Variants in IMPA2 observed in about 807,000 individuals in gnomAD.
The protein encoded by IMPA2 is inositol monophosphatase 2.
A neutral mutation model predicts 35.1 loss-of-function variants in IMPA2; 32 were observed. The observed-to-expected ratio is 0.91, with a 90% CI of 0.69 to 1.23. The LOEUF is 1.23. Ranked by LOEUF, IMPA2 falls within the 50% of genes most tolerant of loss-of-function variation. IMPA2 has a pLI of 0.00. For missense variants in IMPA2, 334 were observed against 387.6 expected, an observed-to-expected ratio of 0.86 and a Z score of 1.16; for synonymous variants, 135 against 160.6, an observed-to-expected ratio of 0.84 and a Z score of 1.20.
rs199739712 is a variant in IMPA2 at position 12,007,714 on chromosome 18, CCTT to C, written c.231-2165_231-2163del. Among the ~76,000 whole-genome samples, 895 of 137,014 alleles carry C rather than the reference CCTT, an allele frequency of 6.5e-3. 13 individuals carry two copies. Among genetic ancestry groups the C allele is most frequent in the African/African-American group, 0.023 (856 of 37,518 alleles). The allele number at this position is 137,014 out of a possible 152,430, so 89.9% of individuals were successfully genotyped here. ...CTTTCTTTCCTTTCTTCCCTCCTTCCCTTCTTTATTTCTCTCTCTCTCCTTCCT... is the reference window on the plus strand; with the variant it reads ...CTTTCTTTCCTTTCTTCCCTCCTTCCCTTTATTTCTCTCTCTCTCCTTCCT... On this transcript the variant is annotated intron_variant, in intron 2 of 7. Transcript: ENST00000269159.
At chr18:11,996,999 AAC>A (rs544635466) in intron 1 of IMPA2, among the ~76,000 whole-genome samples, 20 of 149,854 alleles carry the variant, frequency 1.3e-4, no homozygotes, top group African/African-American at 2.9e-4. Flanking sequence ...ACACCACAGC[AAC>A]ACACACACAC....
chr18:11,993,288 T>G (rs565479324), intron 1 of IMPA2, among the ~76,000 whole-genome samples: 1 of 152,362 alleles, frequency 6.6e-6, no homozygotes, highest in African/African-American at 2.4e-5. Context: ...ACTGATGTTA[T>G]GAAACTGCTG....
At chr18:11,988,518 T>G (rs56364728) in intron 1 of IMPA2, among the ~76,000 whole-genome samples, 26,128 of 152,074 alleles carry the variant, frequency 0.17, 3,418 homozygotes, top group African/African-American at 0.35. Flanking sequence ...ATGAGGTCCT[T>G]TGTGGGACAC....
At position 11,991,445 on chromosome 18, in the gene IMPA2, G is replaced by T. The variant is rs1454699728; in HGVS notation, c.97-7609G>T. Among the ~76,000 whole-genome samples the T allele has an allele frequency of 6.6e-6, 1 of 152,176 alleles. No homozygotes were observed. The highest frequency in any genetic ancestry group is 1.5e-5 in the Non-Finnish European group (1 of 68,038). Reference sequence around the variant, plus strand: ...AGAGATTTGTGACGCATCAACAGCTGTGAACTGCTGACCACATGTGCCACA... The same window carrying T: ...AGAGATTTGTGACGCATCAACAGCTTTGAACTGCTGACCACATGTGCCACA... On this transcript the variant is annotated intron_variant, in intron 1 of 7. Coordinates refer to ENST00000269159, the MANE Select transcript of IMPA2 (RefSeq NM_014214.3). The surrounding 1 kb of genome is among the most constrained non-coding windows in gnomAD (Gnocchi z 4.1).
chr18:12,007,339 A>G (rs1004254697), intron 2 of IMPA2, among the ~76,000 whole-genome samples: 3 of 152,050 alleles, frequency 2.0e-5, no homozygotes, highest in Non-Finnish European at 4.4e-5. Flanking sequence ...ATTTAATTCA[A>G]ATGTAAGCAG....
At chr18:11,986,202 C>A (rs1478578039) in intron 1 of IMPA2, among the ~76,000 whole-genome samples, 1 of 152,216 alleles carries the variant, frequency 6.6e-6, no homozygotes, top group Non-Finnish European at 1.5e-5. Context: ...TTCCCGAGGC[C>A]CGGCCTTGCG....
rs199640192 is a variant in IMPA2 at position 12,030,327 on chromosome 18, C to T, written c.752-16C>T. 1 of 1,607,692 alleles carries T rather than the reference C, an allele frequency of 6.2e-7. No homozygotes were observed. The highest frequency in any genetic ancestry group is 8.5e-7 in the Non-Finnish European group (1 of 1,174,214). ...TCTGGTAACCCGGATGCCTGGCTCT[C>T]TCTGTCTGTCCCCAGGTGGACCCCT... On this transcript the variant is annotated splice_polypyrimidine_tract_variant and intron_variant, in intron 7 of 7. Coordinates refer to ENST00000269159, the MANE Select transcript of IMPA2 (RefSeq NM_014214.3).
chr18:12,004,616 C>T (rs1218984567), intron 2 of IMPA2, among the ~76,000 whole-genome samples: 6 of 151,686 alleles, frequency 4.0e-5, no homozygotes, highest in East Asian at 1.9e-4. Flanking sequence ...CTGCAACCTC[C>T]GCCTCCCGGG....
At position 12,027,590 on chromosome 18, in the gene IMPA2, T is replaced by TA. The variant is rs1555647333; in HGVS notation, c.491-450dup. 4.2e-3 allele frequency among the ~76,000 whole-genome samples: 543 copies of TA among 129,078 alleles called. 21 individuals carry two copies. The highest frequency in any genetic ancestry group is 0.021 in the East Asian group (72 of 3,438). The allele number at this position is 129,078 out of a possible 152,430, so 84.7% of individuals were successfully genotyped here. On this transcript the variant is annotated intron_variant, in intron 5 of 7. Coordinates refer to ENST00000269159, the MANE Select transcript of IMPA2 (RefSeq NM_014214.3). ...TGATTTTTTTTTTTTTTTTTTTTTT[T>TA]AAAGAAACAGGGACTTGCTCTGTCC...
rs1907957110 is a variant in IMPA2, at chr18:12,028,828, T to A, written c.600-14T>A. 1.2e-6 allele frequency: 2 copies of A among 1,612,986 alleles called. No individual in the cohort carries two copies. Among genetic ancestry groups the A allele is most frequent in the South Asian group, 2.2e-5 (2 of 90,988 alleles). On this transcript the variant is annotated splice_polypyrimidine_tract_variant and intron_variant, in intron 6 of 7. Coordinates refer to ENST00000269159, the MANE Select transcript of IMPA2 (RefSeq NM_014214.3). ...CACTCCCGCCTGCATCTGTCCTCCCTTCCCTCTCCCCAGGGTCCGAGTGAT... is the reference window on the plus strand; with the variant it reads ...CACTCCCGCCTGCATCTGTCCTCCCATCCCTCTCCCCAGGGTCCGAGTGAT...
At chr18:12,007,791 TTTTGAGA>T (rs1251997905) in intron 2 of IMPA2, among the ~76,000 whole-genome samples, 1 of 151,186 alleles carries the variant, frequency 6.6e-6, no homozygotes, top group African/African-American at 2.4e-5. Context: ...CTTTTCTTTT[TTTTGAGA>T]TGGAATCTCA....
At chr18:12,009,232 T>C (rs1598696623) in intron 2 of IMPA2, among the ~76,000 whole-genome samples, 1 of 152,014 alleles carries the variant, frequency 6.6e-6, no homozygotes, top group South Asian at 2.1e-4. Flanking sequence ...GCTATGATGA[T>C]ACCACTGCAC....
intron 1 of IMPA2, among the ~76,000 whole-genome samples, chr18:11,986,138 G>A (rs1021667259): frequency 3.3e-5 from 5 of 152,126 alleles, no homozygotes; most frequent in African/African-American, 1.2e-4. Flanking sequence ...CTGACCTCAG[G>A]ACCGCAGACT....
At chr18:12,000,466 C>G (rs950176894) in intron 2 of IMPA2, among the ~76,000 whole-genome samples, 3 of 151,414 alleles carry the variant, frequency 2.0e-5, no homozygotes, top group Admixed American at 2.0e-4. Context: ...TACCAGCTCT[C>G]CCTCTGAATT....
In IMPA2 at chr18:12,010,810, G is replaced by T. The variant is rs1907413121; in HGVS notation, c.335+823G>T. 6.6e-6 allele frequency among the ~76,000 whole-genome samples: 1 copy of T among 152,198 alleles called. No homozygotes were observed. The highest frequency in any genetic ancestry group is 1.5e-5 in the Non-Finnish European group (1 of 68,038). On this transcript the variant is annotated intron_variant, in intron 3 of 7. Transcript: ENST00000269159. The surrounding 1 kb of genome is among the most constrained non-coding windows in gnomAD (Gnocchi z 4.8). ...GGCTCCTTTATGATCTGCCTCTGAT[G>T]GCATGTTTATATGTAAAACATGAAG... is the stretch of plus-strand genomic sequence containing the variant.
At chr18:11,986,025 A>G (rs1906655318) in intron 1 of IMPA2, among the ~76,000 whole-genome samples, 1 of 152,186 alleles carries the variant, frequency 6.6e-6, no homozygotes, top group Non-Finnish European at 1.5e-5. Context: ...CTTGCAGGCA[A>G]GTGGGGGCCT....
rs1052429753 is a variant in IMPA2, at chr18:12,030,833, C to T, written c.*375C>T. On this transcript the variant is annotated 3_prime_UTR_variant, in exon 8 of 8. Coordinates refer to ENST00000269159, the MANE Select transcript of IMPA2 (RefSeq NM_014214.3). ...CTGATAAAGCGGATCGTTCTCAGGC[C>T]CTCCCCCCGGAGTACTTCAGAATGC... 4.8e-6 allele frequency: 1 copy of T among 209,494 alleles called. No individual in the cohort carries two copies. Among genetic ancestry groups the T allele is most frequent in the African/African-American group, 2.3e-5 (1 of 42,650 alleles). 13.0% of individuals were successfully genotyped at this position (209,494 alleles called of 1,614,324 possible).
intron 5 of IMPA2, among the ~76,000 whole-genome samples, chr18:12,024,224 A>G (rs542147742): frequency 6.6e-6 from 1 of 152,274 alleles, no homozygotes; most frequent in South Asian, 2.1e-4. Context: ...AATAAGCTAT[A>G]AAATCATTTT....
Position 12,019,420 on chromosome 18 carries a change from A to ATTTT in IMPA2, c.490+5063_490+5066dup, listed in dbSNP as rs1023606644. Among the ~76,000 whole-genome samples, 3 of 133,100 alleles carry ATTTT rather than the reference A, an allele frequency of 2.3e-5. No individual in the cohort carries two copies. The South Asian group carries it at 7.2e-4, about 32-fold the overall frequency. The allele number at this position is 133,100 out of a possible 152,430, so 87.3% of individuals were successfully genotyped here. A position where few individuals can be genotyped will look rare whatever the true frequency, so the allele number is the denominator to read the frequency against. On this transcript the variant is annotated intron_variant, in intron 5 of 7. Coordinates refer to ENST00000269159, the MANE Select transcript of IMPA2 (RefSeq NM_014214.3). ...TAGGCACGCACCCCATGTCCGGCTA[A>ATTTT]TTTTTTTTTTTTTTTTTTTGTATTT... is the stretch of plus-strand genomic sequence containing the variant.
Sources: allele counts gnomAD v4.1 joint callset (sites outside exome capture counted in the v4.1 genomes callset), GRCh38; gene constraint gnomAD v4.1.1; non-coding constraint Gnocchi (gnomAD v3.1); transcripts MANE v1.5; gene names NCBI Gene and HGNC (gene_info 2026-07-23, HGNC 2026-07-21).